NCKAP5: variants seen among roughly 807,000 people sequenced by gnomAD.
NCKAP5 encodes the protein nck-associated protein 5.
In NCKAP5, 92 loss-of-function variants were observed where a neutral mutation model predicts 167.0. The observed-to-expected ratio is 0.55, with a 90% CI of 0.47 to 0.66. The LOEUF is 0.66. Among genes scored for constraint, NCKAP5 ranks in the 30% least tolerant of loss-of-function variants. The probability of loss-of-function intolerance (pLI) is 0.00; values close to 1 mark genes in which losing one functional copy is unlikely to be tolerated. For missense variants in NCKAP5, 2,378 were observed against 2,315.0 expected (o/e 1.03, Z -0.56); for synonymous variants, 891 against 877.4 (o/e 1.02, Z -0.27).
At chr2:132,756,217 A>G (rs1680542299) in intron 16 of NCKAP5, among the ~76,000 whole-genome samples, 1 of 152,214 alleles carries the variant, frequency 6.6e-6, no homozygotes, top group Admixed American at 6.5e-5. Flanking sequence ...TCTGTCCAGA[A>G]ATAGCTGGAT....
rs1036274369 is a variant in NCKAP5, at chr2:133,024,717, T to C, written c.342-30478A>G. 2.9e-5 allele frequency among the ~76,000 whole-genome samples: 4 copies of C among 140,198 alleles called. No homozygotes were observed. In the East Asian group the frequency reaches 7.8e-4, roughly 27 times the overall value. 92.0% of individuals were successfully genotyped at this position (140,198 alleles called of 152,430 possible). ...AATATAGAAGCAAAACTGAGTAGCT[T>C]TCTAGCTTGCGCTCATAAAGAAACC... On this transcript the variant is annotated intron_variant, in intron 6 of 19. Coordinates refer to ENST00000409261, the MANE Select transcript of NCKAP5 (RefSeq NM_207363.3).
chr2:132,945,419 G>T (rs1242995897), intron 8 of NCKAP5, among the ~76,000 whole-genome samples: 1 of 152,120 alleles, frequency 6.6e-6, no homozygotes, highest in Non-Finnish European at 1.5e-5. Context: ...CATCTAGTTA[G>T]CTGAAAGGAG....
intron 3 of NCKAP5, among the ~76,000 whole-genome samples, chr2:133,437,453 C>A (rs1013288345): frequency 6.6e-6 from 1 of 152,050 alleles, no homozygotes; most frequent in African/African-American, 2.4e-5. Context: ...GCGTAAAAAA[C>A]TGAACAAAGA....
Position 132,785,076 on chromosome 2 carries a change from G to A in NCKAP5, c.1735C>T (p.Leu579Phe), listed in dbSNP as rs1282212267. 1.2e-6 allele frequency: 2 copies of A among 1,613,960 alleles called. No individual in the cohort carries two copies. The highest frequency in any genetic ancestry group is 1.7e-5 in the Admixed American group (1 of 60,016). Reference protein sequence around the residue: ...GHGRMALNLQLSDTDDNETFD... With the variant: ...GHGRMALNLQFSDTDDNETFD... ...GTTTCATTGTCATCAGTGTCTGAAA[G>A]CTGGAGGTTGAGAGCCATGCGGCCA... Residue 579 changes from leucine to phenylalanine, a missense_variant, in exon 14 of 20, where the codon CTT (leucine) becomes TTT (phenylalanine). Physicochemically the swap from Leu to Phe is conservative, Grantham distance 22 (BLOSUM62 0). Transcript: ENST00000409261.
intron 3 of NCKAP5, among the ~76,000 whole-genome samples, chr2:133,489,479 G>GCC (rs1273704590): frequency 6.6e-6 from 1 of 152,150 alleles, no homozygotes; most frequent in Non-Finnish European, 1.5e-5. Context: ...TGGAAGCAAG[G>GCC]CTTTGATAGA....
intron 16 of NCKAP5, among the ~76,000 whole-genome samples, chr2:132,733,555 A>C (rs1009814281): frequency 5.9e-5 from 9 of 152,230 alleles, no homozygotes; most frequent in Admixed American, 1.3e-4. Flanking sequence ...AATGGCACTA[A>C]GCACACTGTG....
chr2:133,428,650 C>T (rs1689961670), intron 3 of NCKAP5, among the ~76,000 whole-genome samples: 1 of 152,086 alleles, frequency 6.6e-6, no homozygotes. Flanking sequence ...CGTGTTTACA[C>T]AAAGATACTA....
intron 3 of NCKAP5, among the ~76,000 whole-genome samples, chr2:133,310,861 A>C (rs1681184010): frequency 6.6e-6 from 1 of 152,210 alleles, no homozygotes; most frequent in Admixed American, 6.5e-5. Context: ...TTTTACTTGT[A>C]AAGGTTTTGA....
intron 5 of NCKAP5, among the ~76,000 whole-genome samples, chr2:133,135,441 T>C (rs116092272): frequency 0.018 from 2,758 of 152,072 alleles, 52 homozygotes; most frequent in Non-Finnish European, 0.026. Context: ...ACCATGAACA[T>C]GACATGACAG....
chr2:132,832,518 C>T (rs1402863726), intron 11 of NCKAP5, among the ~76,000 whole-genome samples: 6 of 152,044 alleles, frequency 3.9e-5, no homozygotes, highest in Non-Finnish European at 8.8e-5. Flanking sequence ...CATCATCCAC[C>T]CCCCAGCCAC....
At chr2:132,999,476 T>A (rs1375097000) in intron 6 of NCKAP5, among the ~76,000 whole-genome samples, 1 of 152,174 alleles carries the variant, frequency 6.6e-6, no homozygotes, top group Non-Finnish European at 1.5e-5. Flanking sequence ...GTTTCCAGTG[T>A]CTCAAGAGCT....
chr2:133,215,158 G>A (rs1036121844), intron 4 of NCKAP5, among the ~76,000 whole-genome samples: 1 of 152,144 alleles, frequency 6.6e-6, no homozygotes, highest in Non-Finnish European at 1.5e-5. Flanking sequence ...ATAGGAAGGA[G>A]CCACAAAGGG....
At chr2:133,354,284 T>C (rs1268882778) in intron 3 of NCKAP5, among the ~76,000 whole-genome samples, 1 of 151,518 alleles carries the variant, frequency 6.6e-6, no homozygotes, top group Admixed American at 6.6e-5. Flanking sequence ...CTTTCCCTTT[T>C]CTCTCTTTCC....
chr2:133,332,011 T>G (rs2150728422), intron 3 of NCKAP5, among the ~76,000 whole-genome samples: 1 of 152,188 alleles, frequency 6.6e-6, no homozygotes, highest in South Asian at 2.1e-4. Context: ...CTCACATGTG[T>G]GTCACACGTG....
At chr2:132,740,333 C>G (rs1325499923) in intron 16 of NCKAP5, among the ~76,000 whole-genome samples, 1 of 152,126 alleles carries the variant, frequency 6.6e-6, no homozygotes, top group Non-Finnish European at 1.5e-5. Flanking sequence ...AAGGTCTCTC[C>G]AGGTTCCTAA....
chr2:132,806,795 T>C (rs1360867758), intron 11 of NCKAP5, among the ~76,000 whole-genome samples: 1 of 152,200 alleles, frequency 6.6e-6, no homozygotes, highest in African/African-American at 2.4e-5. Context: ...CTATTTATCT[T>C]TGTTGTTATT....
At chr2:133,468,599 C>T (rs1056733808) in intron 3 of NCKAP5, among the ~76,000 whole-genome samples, 5 of 152,010 alleles carry the variant, frequency 3.3e-5, no homozygotes, top group East Asian at 1.9e-4. Flanking sequence ...CTGTCTAATG[C>T]TGACAGTGGG....
In NCKAP5 at chr2:132,782,555, G is replaced by T. The variant is rs1208773170; in HGVS notation, c.4256C>A (p.Thr1419Lys). 1.3e-6 allele frequency: 2 copies of T among 1,587,060 alleles called. No individual in the cohort carries two copies. The highest frequency in any genetic ancestry group is 2.3e-5 in the South Asian group (2 of 85,200). Residue 1419 changes from threonine (T) to lysine (K), a missense_variant, in exon 14 of 20, where the codon ACA becomes AAA. By Grantham distance (78) the Thr-to-Lys change is moderately conservative. Transcript: ENST00000409261. ...SDRRSCPPTP[T>K]DCPEALQSPG... ...GCTCTGCAGGGCTTCAGGGCAGTCT[G>T]TTGGGGTGGGTGGGCAACTGCGGCG... is the stretch of plus-strand genomic sequence containing the variant.
At chr2:132,979,227 G>A (rs930724711) in intron 7 of NCKAP5, among the ~76,000 whole-genome samples, 3 of 152,142 alleles carry the variant, frequency 2.0e-5, no homozygotes, top group Admixed American at 6.5e-5. Context: ...TAACTAAGGC[G>A]AATTTAGAGT....
Sources: gnomAD v4.1 joint callset for allele counts (sites outside exome capture counted in the v4.1 genomes callset) on GRCh38, gnomAD v4.1.1 for gene constraint, MANE v1.5 for transcripts, NCBI Gene and HGNC (gene_info 2026-07-23, HGNC 2026-07-21) for gene names.